Variants in REPIN1 observed in about 807,000 individuals in gnomAD.
REPIN1 encodes the protein DNA-binding protein REPIN1.
REPIN1 carries 4 observed loss-of-function variants against 5.7 expected under a neutral mutation model. The ratio of observed to expected loss-of-function variants is 0.71; its 90% CI spans 0.35 to 1.62. REPIN1 has a LOEUF of 1.62. Ranked by LOEUF, REPIN1 falls within the 40% of genes most tolerant of loss-of-function variation. REPIN1 has a pLI of 0.05. For synonymous variants in REPIN1, 410 were observed against 386.2 expected, an observed-to-expected ratio of 1.06 and a Z score of -0.72; for missense variants, 854 against 901.0, an observed-to-expected ratio of 0.95 and a Z score of 0.67.
At position 150,369,746 on chromosome 7, in the gene REPIN1, C is replaced by T; in HGVS notation, c.35C>T (p.Ser12Phe). Residue 12 changes from serine (S) to phenylalanine (F), a missense_variant, in exon 2 of 3, where the codon TCT (serine) becomes TTT (phenylalanine). Around this residue, in one of 5 missense-constraint regions of REPIN1, gnomAD observed 409 missense variants for 418.6 expected, o/e 0.98. Coordinates refer to ENST00000489432, the MANE Select transcript of REPIN1 (RefSeq NM_001099695.2). ...GIGVSLLLQF[S>F]LTPGGYRSVG... ...GGGGTGTCTTTATTACTGCAGTTTT[C>T]TCTAACACCTGGGGGCTACCGGAGT... 1 of 1,613,970 alleles carries T rather than the reference C, an allele frequency of 6.2e-7. No individual in the cohort carries two copies. The highest frequency in any genetic ancestry group is 8.5e-7 in the Non-Finnish European group (1 of 1,179,856).
intron 2 of REPIN1, chr7:150,370,834 CAG>C: frequency 2.8e-6 from 2 of 701,970 alleles, no homozygotes; most frequent in Non-Finnish European, 5.2e-6. Context: ...ACAGCAGACA[CAG>C]GGAGAGGGCA....
intron 2 of REPIN1, chr7:150,370,758 A>C (rs575710430): frequency 1.0e-5 from 7 of 702,444 alleles, no homozygotes; most frequent in Non-Finnish European, 1.8e-5. Flanking sequence ...TCTGTTAAAC[A>C]GGGAGCTCAG....
intron 2 of REPIN1, chr7:150,370,250 T>C: frequency 4.0e-6 from 1 of 250,614 alleles, no homozygotes. Flanking sequence ...TCATCTTCCC[T>C]CCCCTTCTAT....
Position 150,368,888 on chromosome 7 carries a change from C to T in REPIN1, c.-95C>T, listed in dbSNP as rs1043353465. 3 of 341,734 alleles carry T rather than the reference C, an allele frequency of 8.8e-6. No individual in the cohort carries two copies. Among genetic ancestry groups the T allele is most frequent in the South Asian group, 1.4e-4 (1 of 6,946 alleles). The allele number at this position is 341,734 out of a possible 1,614,324, so 21.2% of individuals were successfully genotyped here. On this transcript the variant is annotated 5_prime_UTR_variant, in exon 1 of 3. Transcript: ENST00000489432. Reference sequence around the variant, plus strand: ...GGGAGCGAGAGTGGGCCGCGGAGGCCGGCCTTCGGGCTCCATGGACGGGCG... The same window carrying T: ...GGGAGCGAGAGTGGGCCGCGGAGGCTGGCCTTCGGGCTCCATGGACGGGCG...
chr7:150,372,808 A>T lies in REPIN1; in HGVS notation c.1738A>T (p.Ser580Cys), dbSNP rs1374868330. Reference sequence around the variant, plus strand: ...CTACGCCTGTCCCGACTGCGACCGCAGCTTCAGCCAGAAGTCCAACCTCAT... The same window carrying T: ...CTACGCCTGTCCCGACTGCGACCGCTGCTTCAGCCAGAAGTCCAACCTCAT... ...RPYACPDCDR[S>C]FSQKSNLITH... is the part of the protein sequence containing the mutation. The change falls in exon 3 of 3, where the codon AGC becomes TGC. Residue 580 changes from serine to cysteine, a missense_variant. Ser to Cys is a moderately radical substitution (Grantham distance 112). Around this residue, in one of 5 missense-constraint regions of REPIN1, gnomAD observed 101 missense variants for 124.7 expected, o/e 0.81. Transcript: ENST00000489432. 1 of 1,612,370 alleles carries T rather than the reference A, an allele frequency of 6.2e-7. No homozygotes were observed. The highest frequency in any genetic ancestry group is 1.7e-5 in the Admixed American group (1 of 60,026).
Position 150,369,660 on chromosome 7 carries a change from C to A in REPIN1, c.-41-11C>A, listed in dbSNP as rs753573915. On this transcript the variant is annotated splice_polypyrimidine_tract_variant and intron_variant, in intron 1 of 2. Transcript: ENST00000489432. ...AGAGCCTCACTTCTGTTTTCTCTTC[C>A]CTCCCCACAGGTAAGGCTGGCCTCT... The A allele has an allele frequency of 6.2e-7, 1 of 1,612,414 alleles. No individual in the cohort carries two copies. The highest frequency in any genetic ancestry group is 8.5e-7 in the Non-Finnish European group (1 of 1,179,332).
rs1799791469 is a variant in REPIN1 at position 150,371,760 on chromosome 7, G to C, written c.690G>C (p.Glu230Asp). 6 of 1,611,338 alleles carry C rather than the reference G, an allele frequency of 3.7e-6. No homozygotes were observed. The highest frequency in any genetic ancestry group is 5.1e-6 in the Non-Finnish European group (6 of 1,179,812). Residue 230 changes from glutamate (E) to aspartate (D), a missense_variant, in exon 3 of 3, where the codon GAG becomes GAC. Coordinates refer to ENST00000489432, the MANE Select transcript of REPIN1 (RefSeq NM_001099695.2). ...GGCGGTGCCACCCTCCCGCCCCGGA[G>C]GCCCGGCCCTTCATATGCGGCAACT... ...HLRRCHPPAP[E>D]ARPFICGNCG...
chr7:150,368,813 G>T (rs1402677896), upstream of REPIN1: 4 of 305,414 alleles, frequency 1.3e-5, no homozygotes, highest in South Asian at 1.6e-4. Context: ...GGTTGGGGAC[G>T]GGCCTGGCAG....
rs1799919770 is a variant in REPIN1 at position 150,372,388 on chromosome 7, A to G, written c.1318A>G (p.Ser440Gly). 3 of 1,486,886 alleles carry G rather than the reference A, an allele frequency of 2.0e-6. No homozygotes were observed. Among genetic ancestry groups the G allele is most frequent in the African/African-American group, 2.8e-5 (2 of 70,402 alleles). The allele number at this position is 1,486,886 out of a possible 1,614,324, so 92.1% of individuals were successfully genotyped here. ...SLYSCDDCGR[S>G]FRLERFLRAH... ...CTACAGCTGCGACGACTGCGGCAGG[A>G]GCTTCCGGCTGGAGCGCTTCCTGCG... The change falls in exon 3 of 3, where the codon AGC becomes GGC. Residue 440 changes from serine (S) to glycine (G), a missense_variant. This residue lies in a region of REPIN1 where 327 missense variants were observed against 307.8 expected (regional missense o/e 1.06). Coordinates refer to ENST00000489432, the MANE Select transcript of REPIN1 (RefSeq NM_001099695.2).
chr7:150,369,677 C>A lies in REPIN1; in HGVS notation c.-35C>A. On this transcript the variant is annotated 5_prime_UTR_variant, in exon 2 of 3. It adds an upstream start codon to the 5' untranslated region. Transcript: ENST00000489432. ...TTCTCTTCCCTCCCCACAGGTAAGG[C>A]TGGCCTCTCTGCAGTCAGAGGTCTG... 1 of 1,613,662 alleles carries A rather than the reference C, an allele frequency of 6.2e-7. No homozygotes were observed.
rs368598326 is a variant in REPIN1, at chr7:150,371,119, G to A, written c.158-109G>A. On this transcript the variant is annotated intron_variant, in intron 2 of 2. Transcript: ENST00000489432. ...AGAGTAGTCTAGCTCCATGTCCGGG[G>A]CTCTAGGGGTTCATAGATGGCAGCT... is the stretch of plus-strand genomic sequence containing the variant. 2.7e-5 allele frequency: 34 copies of A among 1,260,482 alleles called. No individual in the cohort carries two copies. The East Asian group carries it at 6.9e-4, about 25-fold the overall frequency. The allele number at this position is 1,260,482 out of a possible 1,614,324, so 78.1% of individuals were successfully genotyped here.
Position 150,369,661 on chromosome 7 carries a change from C to G in REPIN1, c.-41-10C>G, listed in dbSNP as rs759078690. 4 of 1,612,560 alleles carry G rather than the reference C, an allele frequency of 2.5e-6. No homozygotes were observed. Among genetic ancestry groups the G allele is most frequent in the Non-Finnish European group, 3.4e-6 (4 of 1,179,470 alleles). On this transcript the variant is annotated splice_polypyrimidine_tract_variant and intron_variant, in intron 1 of 2. Transcript: ENST00000489432. ...GAGCCTCACTTCTGTTTTCTCTTCC[C>G]TCCCCACAGGTAAGGCTGGCCTCTC...
At chr7:150,369,087 T>A in intron 1 of REPIN1, 146 bp downstream of exon 1, 2 of 355,646 alleles carry the variant, frequency 5.6e-6, no homozygotes, top group East Asian at 4.2e-5. Flanking sequence ...GGAGCGCACC[T>A]GCGCACAGGC....
rs760420365 is a variant in REPIN1, at chr7:150,372,786, C to G, written c.1716C>G (p.Tyr572Ter). The change falls in exon 3 of 3, where the codon TAC becomes TAG. Residue 572 changes from tyrosine (Y) to a stop codon, truncating the protein, a stop_gained. Coordinates refer to ENST00000489432, the MANE Select transcript of REPIN1 (RefSeq NM_001099695.2). LOFTEE classifies it low-confidence loss of function (END_TRUNC). ...HRRIHTGERP[Y>*]ACPDCDRSFS... ...GCATCCACACGGGCGAGCGGCCCTACGCCTGTCCCGACTGCGACCGCAGCT... is the reference window on the plus strand; with the variant it reads ...GCATCCACACGGGCGAGCGGCCCTAGGCCTGTCCCGACTGCGACCGCAGCT... 1 of 1,612,080 alleles carries G rather than the reference C, an allele frequency of 6.2e-7. No homozygotes were observed. Among genetic ancestry groups the G allele is most frequent in the Admixed American group, 1.7e-5 (1 of 60,026 alleles).
rs564085661 is a variant in REPIN1 at position 150,368,907 on chromosome 7, A to T, written c.-76A>T. On this transcript the variant is annotated 5_prime_UTR_variant, in exon 1 of 3. Coordinates refer to ENST00000489432, the MANE Select transcript of REPIN1 (RefSeq NM_001099695.2). ...GGAGGCCGGCCTTCGGGCTCCATGG[A>T]CGGGCGCCGCGTCCCTGCACAGCCC... The T allele has an allele frequency of 5.0e-3, 1,636 of 326,646 alleles. 41 individuals carry two copies. Among genetic ancestry groups the T allele is most frequent in the Admixed American group, 0.049 (992 of 20,444 alleles). 20.2% of individuals were successfully genotyped at this position (326,646 alleles called of 1,614,324 possible). A position where few individuals can be genotyped will look rare whatever the true frequency, so the allele number is the denominator to read the frequency against.
intron 2 of REPIN1, chr7:150,370,164 G>A (rs1799457965): frequency 5.8e-6 from 2 of 346,854 alleles, no homozygotes; most frequent in African/African-American, 4.1e-5. Flanking sequence ...GCTCCCCTGA[G>A]CTGTGGAAGA....
rs1799434745 is a variant in REPIN1, at chr7:150,370,095, T to C, written c.157+227T>C. On this transcript the variant is annotated intron_variant, in intron 2 of 2. Transcript: ENST00000489432. ...TTGTGAGCAGGCACAGAAGGGCCCT[T>C]AGGAGCCTAACTGCTTCCTTCCTCC... 12 of 513,574 alleles carry C rather than the reference T, an allele frequency of 2.3e-5. No individual in the cohort carries two copies. In the South Asian group the frequency reaches 4.1e-4, roughly 17 times the overall value. The allele number at this position is 513,574 out of a possible 1,614,324, so 31.8% of individuals were successfully genotyped here.
chr7:150,371,671 C>T lies in REPIN1; in HGVS notation c.601C>T (p.Pro201Ser), dbSNP rs751029113. ...GCGGGCCCATTCAGCTGCAAAGCGGCCCATCGCTTGTCCCAAATGCGAGAG... is the reference window on the plus strand; with the variant it reads ...GCGGGCCCATTCAGCTGCAAAGCGGTCCATCGCTTGTCCCAAATGCGAGAG... Reference protein sequence around the residue: ...HLRAHSAAKRPIACPKCERRF... With the variant: ...HLRAHSAAKRSIACPKCERRF... The change falls in exon 3 of 3, where the codon CCC (proline) becomes TCC (serine). Residue 201 changes from proline to serine, a missense_variant. This residue lies in a region of REPIN1 where 409 missense variants were observed against 418.6 expected (regional missense o/e 0.98). Coordinates refer to ENST00000489432, the MANE Select transcript of REPIN1 (RefSeq NM_001099695.2). The T allele has an allele frequency of 1.9e-5, 30 of 1,605,264 alleles. No individual in the cohort carries two copies. In the African/African-American group the frequency reaches 3.6e-4, roughly 19 times the overall value.
intron 2 of REPIN1, chr7:150,370,110 T>G: frequency 2.2e-6 from 1 of 456,656 alleles, no homozygotes; most frequent in Non-Finnish European, 3.9e-6. Context: ...GCCTAACTGC[T>G]TCCTTCCTCC....
Sources: gnomAD v4.1 joint callset for allele counts on GRCh38, gnomAD v4.1.1 for gene constraint, gnomAD v4.1.1 regional missense constraint, MANE v1.5 for transcripts, NCBI Gene and HGNC (gene_info 2026-07-23, HGNC 2026-07-21) for gene names.